The following CRACR2A variants were observed in gnomAD, a reference collection of about 807,000 sequenced individuals.
The protein encoded by CRACR2A is calcium release activated channel regulator 2A.
Under a neutral mutation model 90.5 loss-of-function variants are expected in CRACR2A, and 79 were observed. That is an observed-to-expected ratio of 0.87 (90% confidence interval 0.73 to 1.05). The LOEUF (loss-of-function observed/expected upper bound fraction) is 1.05. Ranked by LOEUF, CRACR2A falls within the 50% of genes least tolerant of loss-of-function variation. CRACR2A has a pLI of 0.00. For synonymous variants in CRACR2A, 338 were observed against 356.7 expected (o/e 0.95, Z 0.59); for missense variants, 823 against 897.2 (o/e 0.92, Z 1.06).
At chr12:3,750,182 C>T (rs544922255) in intron 1 of CRACR2A, among the ~76,000 whole-genome samples, 52 of 152,046 alleles carry the variant, frequency 3.4e-4, no homozygotes, top group African/African-American at 1.2e-3. Context: ...GTGATCCACC[C>T]GCCTCAGCTT....
chr12:3,696,559 T>C (rs1945743432), intron 4 of CRACR2A, among the ~76,000 whole-genome samples: 1 of 152,166 alleles, frequency 6.6e-6, no homozygotes, highest in Non-Finnish European at 1.5e-5. Flanking sequence ...AGAGAGGAAA[T>C]AGCCCTGGAA....
intron 6 of CRACR2A, among the ~76,000 whole-genome samples, chr12:3,675,593 T>C (rs1945322227): frequency 6.6e-6 from 1 of 152,206 alleles, no homozygotes; most frequent in Non-Finnish European, 1.5e-5. Flanking sequence ...ACTACATAAA[T>C]AATACCCCTG....
chr12:3,690,918 C>T (rs1037602821), intron 4 of CRACR2A, among the ~76,000 whole-genome samples: 6 of 152,048 alleles, frequency 3.9e-5, no homozygotes, highest in African/African-American at 1.4e-4. Context: ...ATGTAATGCC[C>T]TTCTTTGTCT....
At chr12:3,624,577 ACT>A (rs1944219372) in intron 17 of CRACR2A, among the ~76,000 whole-genome samples, 2 of 152,120 alleles carry the variant, frequency 1.3e-5, no homozygotes, top group South Asian at 4.2e-4. Flanking sequence ...TGTTTCTGAA[ACT>A]CTGTGCTGCT....
At chr12:3,744,795 G>T (rs909149148) in intron 1 of CRACR2A, among the ~76,000 whole-genome samples, 1 of 152,128 alleles carries the variant, frequency 6.6e-6, no homozygotes, top group Non-Finnish European at 1.5e-5. Flanking sequence ...GAACTGAGAC[G>T]GTATCACTGT....
chr12:3,640,366 A>C, intron 13 of CRACR2A: 1 of 520,798 alleles, frequency 1.9e-6, no homozygotes, highest in Non-Finnish European at 2.8e-6. Flanking sequence ...AGGACCTCAC[A>C]CATAGTAGAC....
rs537911941 is a variant in CRACR2A, at chr12:3,638,554, A to G, written c.1272-100T>C. ...TGTGACGAACAGATACCCAAGGAGCATCACACCTTTGGACAAGAGCAGTCC... is the reference window on the plus strand; with the variant it reads ...TGTGACGAACAGATACCCAAGGAGCGTCACACCTTTGGACAAGAGCAGTCC... On this transcript the variant is annotated intron_variant, in intron 13 of 19. Transcript: ENST00000440314. 11 of 1,335,834 alleles carry G rather than the reference A, an allele frequency of 8.2e-6. No individual in the cohort carries two copies. The South Asian group carries it at 1.7e-4, about 20-fold the overall frequency. 82.7% of individuals were successfully genotyped at this position (1,335,834 alleles called of 1,614,324 possible). A position where few individuals can be genotyped will look rare whatever the true frequency, so the allele number is the denominator to read the frequency against.
chr12:3,616,006 T>G (rs929464664), intron 19 of CRACR2A, among the ~76,000 whole-genome samples: 8 of 152,256 alleles, frequency 5.3e-5, no homozygotes, highest in Non-Finnish European at 1.5e-5. Context: ...CTCTATACTT[T>G]CCAAACGCTT....
At chr12:3,698,749 G>T (rs242002) in intron 3 of CRACR2A, among the ~76,000 whole-genome samples, 19,626 of 152,246 alleles carry the variant, frequency 0.13, 1,579 homozygotes, top group Middle Eastern at 0.19. Context: ...GGAAGCCTGA[G>T]GGGGCAGGGC....
At chr12:3,628,379 G>A (rs1449921299) in intron 15 of CRACR2A, among the ~76,000 whole-genome samples, 1 of 152,152 alleles carries the variant, frequency 6.6e-6, no homozygotes, top group Non-Finnish European at 1.5e-5. Context: ...AGGAGGAGGA[G>A]GGTAGGAACT....
chr12:3,733,661 C>G (rs1946395981), intron 1 of CRACR2A, among the ~76,000 whole-genome samples: 1 of 152,168 alleles, frequency 6.6e-6, no homozygotes, highest in South Asian at 2.1e-4. Flanking sequence ...TCGTTGACCA[C>G]TGGATCAGAC....
At chr12:3,641,638 TC>T in intron 13 of CRACR2A, 93 bp downstream of exon 13, 1 of 1,110,368 alleles carries the variant, frequency 9.0e-7, no homozygotes, top group Non-Finnish European at 1.3e-6. Flanking sequence ...TTTCCGCACC[TC>T]TCAAGGGGTC....
intron 1 of CRACR2A, among the ~76,000 whole-genome samples, chr12:3,740,407 G>A (rs1278047955): frequency 6.6e-6 from 1 of 152,152 alleles, no homozygotes; most frequent in Non-Finnish European, 1.5e-5. Flanking sequence ...AAAAGCACTG[G>A]TCCTGAAGTT....
chr12:3,656,495 C>T, intron 8 of CRACR2A, 89 bp from the exon 9 acceptor site: 2 of 1,094,578 alleles, frequency 1.8e-6, no homozygotes, highest in Non-Finnish European at 2.8e-6. Flanking sequence ...ACCTACTCAA[C>T]ATCAGGGCCC....
At chr12:3,680,374 G>T (rs1450089552) in intron 4 of CRACR2A, 25 bp from the exon 5 acceptor site, 7 of 1,587,530 alleles carry the variant, frequency 4.4e-6, no homozygotes, top group Non-Finnish European at 6.0e-6. Context: ...GAGTGTACTG[G>T]TTAACACTGA....
intron 7 of CRACR2A, among the ~76,000 whole-genome samples, chr12:3,663,088 C>T (rs1288717458): frequency 6.6e-6 from 1 of 152,080 alleles, no homozygotes; most frequent in South Asian, 2.1e-4. Context: ...TAGTCCTGAA[C>T]AACTGTTTCA....
At position 3,723,245 on chromosome 12, in the gene CRACR2A, C is replaced by T. The variant is rs547441857; in HGVS notation, c.-118+9697G>A. On this transcript the variant is annotated intron_variant, in intron 2 of 19. Transcript: ENST00000440314. ...GCACAGACACATGGCTGCTCCCTTT[C>T]TCTGGGTTGGAGCTATGTGTGGACC... Among the ~76,000 whole-genome samples the T allele has an allele frequency of 3.9e-5, 6 of 152,260 alleles. No individual in the cohort carries two copies. The East Asian group carries it at 1.2e-3, about 29-fold the overall frequency.
At chr12:3,640,412 T>G in intron 13 of CRACR2A, 9 of 761,938 alleles carry the variant, frequency 1.2e-5, no homozygotes, top group Non-Finnish European at 1.2e-5. Flanking sequence ...CATTTAATAA[T>G]GGAGATTAAT....
rs75717482 is a variant in CRACR2A, at chr12:3,711,990, C to T, written c.-37+1247G>A. 9.9e-5 allele frequency among the ~76,000 whole-genome samples: 15 copies of T among 152,044 alleles called. No homozygotes were observed. The highest frequency in any genetic ancestry group is 1.6e-4 in the Non-Finnish European group (11 of 68,014). ...GTTGAAAATGAGAGGAAAACAAAGA[C>T]AACAATGAATCTAGCCTGCAGAGAT... On this transcript the variant is annotated intron_variant, in intron 3 of 19. Coordinates refer to ENST00000440314, the MANE Select transcript of CRACR2A (RefSeq NM_001144958.2). The surrounding 1 kb of genome is among the most constrained non-coding windows in gnomAD (Gnocchi z 4.3).
Sources: gnomAD v4.1 joint callset for allele counts (sites outside exome capture counted in the v4.1 genomes callset) on GRCh38, gnomAD v4.1.1 for gene constraint, Gnocchi (gnomAD v3.1) non-coding constraint, MANE v1.5 for transcripts, NCBI Gene and HGNC (gene_info 2026-07-23, HGNC 2026-07-21) for gene names.